ZNF559: variants seen among roughly 807,000 people sequenced by gnomAD.
ZNF559 encodes the protein zinc finger protein 559, also known as putative protein product of Nbla00121.
ZNF559 carries 17 observed loss-of-function variants against 14.2 expected under a neutral mutation model. That is an observed-to-expected ratio of 1.20 (90% CI 0.82 to 1.80). ZNF559 has a LOEUF of 1.80. Ranked by LOEUF, ZNF559 falls within the 40% of genes most tolerant of loss-of-function variation. The pLI is 0.00. For missense variants in ZNF559, 740 were observed against 629.7 expected (o/e 1.18, Z -1.88); for synonymous variants, 244 against 212.4 (o/e 1.15, Z -1.29).
rs369243470 is a variant in ZNF559 at position 9,325,429 on chromosome 19, G to A, written c.-120+649G>A. 1.2e-3 allele frequency among the ~76,000 whole-genome samples: 187 copies of A among 151,352 alleles called. 1 individual carries two copies. The highest frequency in any genetic ancestry group is 5.2e-3 in the South Asian group (25 of 4,798). On this transcript the variant is annotated intron_variant, in intron 2 of 6. Coordinates refer to ENST00000603380, the MANE Select transcript of ZNF559 (RefSeq NM_032497.3). ...TGCATTCCAGCTTAGGCAACAGAGT[G>A]AGACCCTGTTTCAAAAAGAAGAAAA...
At chr19:9,330,381 T>TAGC (rs2066873559) in intron 2 of ZNF559, among the ~76,000 whole-genome samples, 1 of 152,202 alleles carries the variant, frequency 6.6e-6, no homozygotes, top group African/African-American at 2.4e-5. Context: ...GGAAAATTTA[T>TAGC]AGCTATTCTT....
chr19:9,342,253 C>G lies in ZNF559; in HGVS notation c.802C>G (p.Pro268Ala), dbSNP rs751551365. The change falls in exon 7 of 7, where the codon CCT (proline) becomes GCT (alanine). Residue 268 changes from proline (P) to alanine (A), a missense_variant. Transcript: ENST00000603380. The part of the protein sequence containing the change: ...QHLRTHSRVL[P>A]IEHKKFGKAF... Reference sequence around the variant, plus strand: ...TTTAAGAACTCATAGTAGAGTGTTACCTATAGAACATAAGAAATTTGGCAA... The same window carrying G: ...TTTAAGAACTCATAGTAGAGTGTTAGCTATAGAACATAAGAAATTTGGCAA... 1.3e-6 allele frequency: 2 copies of G among 1,583,726 alleles called. No homozygotes were observed. Among genetic ancestry groups the G allele is most frequent in the Non-Finnish European group, 1.7e-6 (2 of 1,169,638 alleles).
In ZNF559 at chr19:9,342,875, G is replaced by A. The variant is rs766689773; in HGVS notation, c.1424G>A (p.Ser475Asn). 7 of 1,613,008 alleles carry A rather than the reference G, an allele frequency of 4.3e-6. No homozygotes were observed. In the Admixed American group the frequency reaches 1.0e-4, roughly 23 times the overall value. Reference protein sequence around the residue: ...YKCQKCGQAFSISSGLTVHMR... With the variant: ...YKCQKCGQAFNISSGLTVHMR... ...TGTCAAAAGTGTGGGCAAGCCTTCA[G>A]TATCTCATCAGGCCTTACAGTACAC... The change falls in exon 7 of 7, where the codon AGT becomes AAT. Residue 475 changes from serine (S) to asparagine (N), a missense_variant. Ser to Asn is a conservative substitution (Grantham distance 46). Coordinates refer to ENST00000603380, the MANE Select transcript of ZNF559 (RefSeq NM_032497.3).
chr19:9,343,128 C>T lies in ZNF559; in HGVS notation c.*60C>T, dbSNP rs2067655559. The T allele has an allele frequency of 1.3e-6, 2 of 1,549,128 alleles. No homozygotes were observed. Among genetic ancestry groups the T allele is most frequent in the Admixed American group, 3.7e-5 (2 of 53,716 alleles). On this transcript the variant is annotated 3_prime_UTR_variant, in exon 7 of 7. Coordinates refer to ENST00000603380, the MANE Select transcript of ZNF559 (RefSeq NM_032497.3). ...CCACTACTTCCTCACACTTACTGAA[C>T]ATGTACTCATTCATAGTGGCAATGT... is the stretch of plus-strand genomic sequence containing the variant.
Position 9,341,834 on chromosome 19 carries a change from T to C in ZNF559, c.383T>C (p.Phe128Ser). The C allele has an allele frequency of 6.2e-7, 1 of 1,610,788 alleles. No individual in the cohort carries two copies. The stretch of plus-strand genomic sequence containing the variant: ...GAGTGTAATCAATGTGAAAAAGCCT[T>C]CAGAAAACCCTCTATCTTTACTTTA... ...TCECNQCEKA[F>S]RKPSIFTLHK... The change falls in exon 7 of 7, where the codon TTC (phenylalanine) becomes TCC (serine). Residue 128 changes from phenylalanine (F) to serine (S), a missense_variant. Coordinates refer to ENST00000603380, the MANE Select transcript of ZNF559 (RefSeq NM_032497.3).
chr19:9,343,849 C>G lies in ZNF559; in HGVS notation c.*781C>G. The G allele has an allele frequency of 1.0e-6, 1 of 964,202 alleles. No individual in the cohort carries two copies. The highest frequency in any genetic ancestry group is 1.2e-6 in the Non-Finnish European group (1 of 810,710). The allele number at this position is 964,202 out of a possible 1,614,324, so 59.7% of individuals were successfully genotyped here. ...AAAAATATCTAGCTGGTCTGAAGATCCTGAGTTATCTCAATTGTTCACGGT... is the reference window on the plus strand; with the variant it reads ...AAAAATATCTAGCTGGTCTGAAGATGCTGAGTTATCTCAATTGTTCACGGT... On this transcript the variant is annotated 3_prime_UTR_variant, in exon 7 of 7. Transcript: ENST00000603380.
intron 2 of ZNF559, among the ~76,000 whole-genome samples, chr19:9,329,483 A>G (rs1568358776): frequency 6.6e-6 from 1 of 152,186 alleles, no homozygotes; most frequent in East Asian, 1.9e-4. Flanking sequence ...CATTTATTAT[A>G]TAATGATCTT....
intron 2 of ZNF559, among the ~76,000 whole-genome samples, chr19:9,331,126 T>G (rs2145107812): frequency 6.6e-6 from 1 of 152,334 alleles, no homozygotes; most frequent in Admixed American, 6.5e-5. Context: ...TCTGCCTCAT[T>G]TCTTTCTCAG....
intron 3 of ZNF559, 78 bp downstream of exon 3, chr19:9,337,936 G>T (rs1053533596): frequency 1.3e-6 from 2 of 1,535,668 alleles, no homozygotes; most frequent in Non-Finnish European, 1.7e-6. Flanking sequence ...ACAGTGTCTC[G>T]AAGAGACTTT....
chr19:9,342,688 C>G lies in ZNF559; in HGVS notation c.1237C>G (p.Gln413Glu). Residue 413 changes from glutamine to glutamate, a missense_variant, in exon 7 of 7, where the codon CAG (glutamine) becomes GAG (glutamate). By Grantham distance (29) the Gln-to-Glu change is conservative (BLOSUM62 2). Coordinates refer to ENST00000603380, the MANE Select transcript of ZNF559 (RefSeq NM_032497.3). ...TGGTGTAAAACCCTATGACTGTCAA[C>G]AGTGTGGGAAAGCCTTCATTCGATC... ...HPGVKPYDCQ[Q>E]CGKAFIRSSF... is the part of the protein sequence containing the mutation. The G allele has an allele frequency of 6.2e-7, 1 of 1,614,012 alleles. No individual in the cohort carries two copies.
rs902134311 is a variant in ZNF559, at chr19:9,324,242, T to A, written c.-206+14T>A. Reference sequence around the variant, plus strand: ...TTGGCGTCTGAGGTAAGTTTTTGTTTCTGGGCGGCGTTCGGTGGTGTCCCG... The same window carrying A: ...TTGGCGTCTGAGGTAAGTTTTTGTTACTGGGCGGCGTTCGGTGGTGTCCCG... On this transcript the variant is annotated intron_variant, in intron 1 of 6. Transcript: ENST00000603380. The A allele has an allele frequency of 7.8e-6, 12 of 1,536,054 alleles. No homozygotes were observed. Among genetic ancestry groups the A allele is most frequent in the Non-Finnish European group, 1.0e-5 (12 of 1,146,864 alleles).
chr19:9,343,344 C>T lies in ZNF559; in HGVS notation c.*276C>T. 1.2e-5 allele frequency: 14 copies of T among 1,203,298 alleles called. No individual in the cohort carries two copies. Among genetic ancestry groups the T allele is most frequent in the Non-Finnish European group, 1.5e-5 (14 of 963,662 alleles). 74.5% of individuals were successfully genotyped at this position (1,203,298 alleles called of 1,614,324 possible). ...GAAACCTGTCGATGCTTACATCTTA[C>T]TGAGTCTGTTTGAACTCATGCTGGA... On this transcript the variant is annotated 3_prime_UTR_variant, in exon 7 of 7. Transcript: ENST00000603380.
At chr19:9,324,150 G>A (rs965751269), upstream of ZNF559, 5 of 1,535,858 alleles carry the variant, frequency 3.3e-6, no homozygotes, top group Non-Finnish European at 4.4e-6. Context: ...CCTAGCCTTT[G>A]CGCGTGCGCG....
rs1208322208 is a variant in ZNF559 at position 9,343,578 on chromosome 19, C to T, written c.*510C>T. 1.8e-5 allele frequency: 18 copies of T among 991,320 alleles called. No homozygotes were observed. The highest frequency in any genetic ancestry group is 2.2e-5 in the Non-Finnish European group (18 of 833,064). The allele number at this position is 991,320 out of a possible 1,614,324, so 61.4% of individuals were successfully genotyped here. ...GAATGTAAAATGTGTGGAGATTCTT[C>T]TTTGTTTTTAGCTTCCACTTTGGGA... On this transcript the variant is annotated 3_prime_UTR_variant, in exon 7 of 7. Transcript: ENST00000603380.
At chr19:9,339,663 A>C (rs1354932340) in intron 5 of ZNF559, among the ~76,000 whole-genome samples, 2 of 139,558 alleles carry the variant, frequency 1.4e-5, no homozygotes, top group Admixed American at 7.4e-5. Flanking sequence ...TGTCATGAAC[A>C]TTGTGTTGTA....
At chr19:9,336,842 T>C (rs559980181) in intron 2 of ZNF559, among the ~76,000 whole-genome samples, 2 of 152,256 alleles carry the variant, frequency 1.3e-5, no homozygotes, top group East Asian at 3.9e-4. Flanking sequence ...GCTAAAGATG[T>C]CTAAATTCAA....
intron 2 of ZNF559, among the ~76,000 whole-genome samples, chr19:9,326,986 C>CT (rs894834036): frequency 6.6e-6 from 1 of 152,118 alleles, no homozygotes; most frequent in African/African-American, 2.4e-5. Context: ...CCACATGGGG[C>CT]TAGTGGCTGT....
At chr19:9,337,347 T>C (rs1454128342) in intron 2 of ZNF559, among the ~76,000 whole-genome samples, 3 of 152,148 alleles carry the variant, frequency 2.0e-5, no homozygotes, top group African/African-American at 7.2e-5. Context: ...AAATATACAC[T>C]TACCAGGGAA....
rs34086147 is a variant in ZNF559, at chr19:9,340,567, TAA to T, written c.161-512_161-511del. 8.9e-3 allele frequency among the ~76,000 whole-genome samples: 673 copies of T among 75,752 alleles called. 6 individuals carry two copies. Among genetic ancestry groups the T allele is most frequent in the African/African-American group, 0.036 (611 of 16,998 alleles). 49.7% of individuals were successfully genotyped at this position (75,752 alleles called of 152,430 possible). A position where few individuals can be genotyped will look rare whatever the true frequency, so the allele number is the denominator to read the frequency against. ...TTTCTTTTTTTTCTCTCTCTGTCTC[TAA>T]AAAAAAAAAAAAAAAAAAAAAAGAG... On this transcript the variant is annotated intron_variant, in intron 5 of 6. Coordinates refer to ENST00000603380, the MANE Select transcript of ZNF559 (RefSeq NM_032497.3).
Sources: gnomAD v4.1 joint callset for allele counts (sites outside exome capture counted in the v4.1 genomes callset) on GRCh38, gnomAD v4.1.1 for gene constraint, MANE v1.5 for transcripts, NCBI Gene and HGNC (gene_info 2026-07-23, HGNC 2026-07-21) for gene names.